Variants in DNAH8 observed in about 807,000 individuals in gnomAD.
DNAH8 encodes the protein axonemal beta dynein heavy chain 8.
DNAH8 carries 382 observed loss-of-function variants against 562.1 expected under a neutral mutation model. The ratio of observed to expected loss-of-function variants is 0.68; its 90% confidence interval spans 0.63 to 0.74. The LOEUF (loss-of-function observed/expected upper bound fraction) is 0.74, where lower values mean the gene tolerates loss of function less well. Ranked by LOEUF, DNAH8 falls within the 30% of genes least tolerant of loss-of-function variation. The probability of loss-of-function intolerance (pLI) is 0.00; values close to 1 mark genes in which losing one functional copy is unlikely to be tolerated. For missense variants in DNAH8, 5,203 were observed against 5,620.4 expected, an observed-to-expected ratio of 0.93 and a Z score of 2.37; for synonymous variants, 1,881 against 1,919.4, an observed-to-expected ratio of 0.98 and a Z score of 0.52.
At chr6:38,749,989 C>T (rs1026125843) in intron 8 of DNAH8, among the ~76,000 whole-genome samples, 15 of 152,186 alleles carry the variant, frequency 9.9e-5, no homozygotes, top group African/African-American at 2.9e-4. Flanking sequence ...CCCGCCGCCA[C>T]GCCCAGCTAA....
chr6:39,008,652 T>C (rs181185979), intron 88 of DNAH8, among the ~76,000 whole-genome samples, 162 bp from the exon 89 acceptor site: 5 of 152,162 alleles, frequency 3.3e-5, no homozygotes, highest in Admixed American at 3.3e-4. Flanking sequence ...GGATCTCTAG[T>C]TTCTTTCATT....
chr6:38,962,216 A>T (rs926022630), intron 82 of DNAH8, among the ~76,000 whole-genome samples: 1 of 152,098 alleles, frequency 6.6e-6, no homozygotes, highest in Admixed American at 6.5e-5. Flanking sequence ...AATATTTCCT[A>T]AATTAATCTA....
rs1767574691 is a variant in DNAH8 at position 39,030,182 on chromosome 6, C to A, written c.13914C>A (p.Thr4638=). The A allele has an allele frequency of 2.5e-6, 4 of 1,613,974 alleles. No homozygotes were observed. The highest frequency in any genetic ancestry group is 3.4e-6 in the Non-Finnish European group (4 of 1,180,004). The change falls in exon 93 of 93, where the codon ACC becomes ACA. Residue 4638 remains threonine (T), a synonymous_variant. Coordinates refer to ENST00000327475, the MANE Select transcript of DNAH8 (RefSeq NM_001206927.2). ...GGAATGGGAAGCTCATGGAATCCAC[C>A]CCCAAGGTACTCTTCACGCAGTTAC... ...DRRNGKLMES[T]PKVLFTQLPV... is the part of the protein sequence containing the mutation.
At chr6:38,915,890 G>GTA (rs1407051410) in intron 68 of DNAH8, among the ~76,000 whole-genome samples, 1 of 151,488 alleles carries the variant, frequency 6.6e-6, no homozygotes, top group Non-Finnish European at 1.5e-5. Context: ...ATATGTGCAT[G>GTA]TATATATATG....
At position 38,826,182 on chromosome 6, in the gene DNAH8, G is replaced by A. The variant is rs761639011; in HGVS notation, c.3874G>A (p.Glu1292Lys). ...TEPMKLALSIEAKAWKMLLCR... is the reference protein window; with the variant it reads ...TEPMKLALSIKAKAWKMLLCR... Reference sequence around the variant, plus strand: ...GCCGATGAAATTGGCCTTATCCATCGAGGCCAAGGCATGGAAGATGTTACT... The same window carrying A: ...GCCGATGAAATTGGCCTTATCCATCAAGGCCAAGGCATGGAAGATGTTACT... Residue 1292 changes from glutamate (E) to lysine (K), a missense_variant, in exon 29 of 93, where the codon GAG (glutamate) becomes AAG (lysine). Physicochemically the swap from Glu to Lys is moderately conservative, Grantham distance 56. Coordinates refer to ENST00000327475, the MANE Select transcript of DNAH8 (RefSeq NM_001206927.2). 18 of 1,605,220 alleles carry A rather than the reference G, an allele frequency of 1.1e-5. No homozygotes were observed. Among genetic ancestry groups the A allele is most frequent in the East Asian group, 1.1e-4 (5 of 44,688 alleles).
At chr6:38,810,509 T>C (rs1618834) in intron 24 of DNAH8, among the ~76,000 whole-genome samples, 24,080 of 151,992 alleles carry the variant, frequency 0.16, 2,050 homozygotes, top group East Asian at 0.3. Context: ...GGAGAATCGC[T>C]TGAACCTGGG....
rs375631180 is a variant in DNAH8, at chr6:38,932,216, A to ACACACACACACACACACACC, written c.11457+224_11457+225insACACACACACACACACACCC. On this transcript the variant is annotated intron_variant, in intron 76 of 92. Transcript: ENST00000327475. Reference sequence around the variant, plus strand: ...CACACACACACACACACACACACACACCCGTCTCTTTCTACTTCTGTCTTT... The same window carrying ACACACACACACACACACACC: ...CACACACACACACACACACACACACACACACACACACACACACACCCCCGTCTCTTTCTACTTCTGTCTTT... Among the ~76,000 whole-genome samples, 342 of 145,718 alleles carry ACACACACACACACACACACC rather than the reference A, an allele frequency of 2.3e-3. 3 individuals carry two copies. Among genetic ancestry groups the ACACACACACACACACACACC allele is most frequent in the African/African-American group, 5.7e-3 (211 of 37,316 alleles).
At position 38,868,134 on chromosome 6, in the gene DNAH8, C is replaced by G; in HGVS notation, c.6766C>G (p.Pro2256Ala). ...TCTTGGATCTCAAAAAAGAGCCAGA[C>G]CAGAAGATAGTGAATTAAGCATTGT... The part of the protein sequence containing the change: ...RTLGSQKRAR[P>A]EDSELSIVMR... Residue 2256 changes from proline to alanine, a missense_variant, in exon 48 of 93, where the codon CCA becomes GCA. Physicochemically the swap from Pro to Ala is conservative, Grantham distance 27. Around this residue, in one of 6 missense-constraint regions of DNAH8, gnomAD observed 2,176 missense variants for 2,365.1 expected, o/e 0.92. Transcript: ENST00000327475. 1.2e-6 allele frequency: 2 copies of G among 1,613,540 alleles called. No homozygotes were observed. Among genetic ancestry groups the G allele is most frequent in the South Asian group, 1.1e-5 (1 of 91,058 alleles).
rs938464385 is a variant in DNAH8 at position 38,722,813 on chromosome 6, G to A, written c.4G>A (p.Glu2Lys). Residue 2 changes from glutamate to lysine, a missense_variant, in exon 2 of 93, where the codon GAG (glutamate) becomes AAG (lysine). Physicochemically the swap from Glu to Lys is moderately conservative, Grantham distance 56. Transcript: ENST00000327475. ...AAAGCATTCCGCACGACGGGGGATGGAGAAGGATGCTGAAGATGGCGCCCC... is the reference window on the plus strand; with the variant it reads ...AAAGCATTCCGCACGACGGGGGATGAAGAAGGATGCTGAAGATGGCGCCCC... Reference protein sequence around the residue: MEKDAEDGAPSE... With the variant: MKKDAEDGAPSE... 1 of 1,582,822 alleles carries A rather than the reference G, an allele frequency of 6.3e-7. No homozygotes were observed. Among genetic ancestry groups the A allele is most frequent in the Non-Finnish European group, 8.6e-7 (1 of 1,166,226 alleles).
intron 88 of DNAH8, among the ~76,000 whole-genome samples, chr6:39,006,465 A>G (rs1023620971): frequency 2.0e-5 from 3 of 152,222 alleles, no homozygotes; most frequent in Non-Finnish European, 4.4e-5. Flanking sequence ...AGATCTCCAC[A>G]GGTCTGATTC....
At chr6:38,790,481 T>A in intron 20 of DNAH8, 76 bp downstream of exon 20, 1 of 715,428 alleles carries the variant, frequency 1.4e-6, no homozygotes, top group African/African-American at 1.8e-5. Context: ...TTATGAAAGC[T>A]CTTTAAAGGG....
intron 75 of DNAH8, 58 bp from the exon 76 acceptor site, chr6:38,931,753 C>T (rs1272776090): frequency 1.7e-6 from 2 of 1,164,132 alleles, no homozygotes; most frequent in East Asian, 2.7e-5. Flanking sequence ...TAAATTGAAC[C>T]CAAGTTCCTT....
At chr6:38,977,032 A>G (rs955471038) in intron 85 of DNAH8, among the ~76,000 whole-genome samples, 10 of 152,224 alleles carry the variant, frequency 6.6e-5, no homozygotes, top group Non-Finnish European at 8.8e-5. Flanking sequence ...GCATTATGCC[A>G]TCAGCTTACC....
In DNAH8 at chr6:38,908,100, G is replaced by A. The variant is rs1009154926; in HGVS notation, c.9493G>A (p.Val3165Ile). 3 of 1,580,388 alleles carry A rather than the reference G, an allele frequency of 1.9e-6. No homozygotes were observed. Among genetic ancestry groups the A allele is most frequent in the Middle Eastern group, 1.7e-4 (1 of 5,992 alleles). The change falls in exon 64 of 93, where the codon GTT becomes ATT. Residue 3165 changes from valine to isoleucine, a missense_variant. Val to Ile is a conservative substitution (Grantham distance 29, BLOSUM62 3). Around this residue, in one of 6 missense-constraint regions of DNAH8, gnomAD observed 977 missense variants for 1,061.8 expected, o/e 0.92. Transcript: ENST00000327475. ...FISRSRKNLH[V>I]VLCFSPVGEK... ...TTCAAGATCAAGGAAGAACTTACAT[G>A]TTGTTCTCTGCTTTTCTCCAGTAAG... is the stretch of plus-strand genomic sequence containing the variant.
Position 38,789,870 on chromosome 6 carries a change from CA to C in DNAH8, c.2656del (p.Met886Ter). 1 of 1,610,446 alleles carries C rather than the reference CA, an allele frequency of 6.2e-7. No individual in the cohort carries two copies. The highest frequency in any genetic ancestry group is 8.5e-7 in the Non-Finnish European group (1 of 1,177,888). On this transcript the variant is annotated frameshift_variant, in exon 19 of 93. Transcript: ENST00000327475. LOFTEE classifies it high-confidence loss of function. Reference sequence around the variant, plus strand: ...TCTGTGTTTGTCAATCTGATGACCCCAAAAATGAAAAAGGTTGGTATTGCTG... The same window carrying C: ...TCTGTGTTTGTCAATCTGATGACCCCAAAATGAAAAAGGTTGGTATTGCTG... Reference protein sequence around the residue: ...VPSVFVNLMTPKMKKVESVLR... With the variant: ...VPSVFVNLMTXKMKKVESVLR...
At chr6:38,904,960 C>G (rs1780346099) in intron 62 of DNAH8, among the ~76,000 whole-genome samples, 2 of 152,022 alleles carry the variant, frequency 1.3e-5, no homozygotes, top group Non-Finnish European at 2.9e-5. Flanking sequence ...AAGAAAGAAA[C>G]AAGAGAGGTC....
At chr6:38,995,365 G>C (rs1561955976) in intron 88 of DNAH8, among the ~76,000 whole-genome samples, 1 of 152,100 alleles carries the variant, frequency 6.6e-6, no homozygotes, top group Non-Finnish European at 1.5e-5. Context: ...GAATGGCCTG[G>C]AGTTTTTTGT....
intron 26 of DNAH8, among the ~76,000 whole-genome samples, chr6:38,817,881 C>A (rs1371348438): frequency 6.6e-6 from 1 of 152,014 alleles, no homozygotes; most frequent in East Asian, 1.9e-4. Context: ...AAGACACAAT[C>A]CAATGCCATA....
At chr6:38,751,297 A>C (rs1765428848) in intron 9 of DNAH8, among the ~76,000 whole-genome samples, 1 of 152,222 alleles carries the variant, frequency 6.6e-6, no homozygotes, top group Non-Finnish European at 1.5e-5. Context: ...AGAGAATGAG[A>C]GAACACCCAA....
Sources: allele counts gnomAD v4.1 joint callset (sites outside exome capture counted in the v4.1 genomes callset), GRCh38; gene constraint gnomAD v4.1.1; regional missense constraint gnomAD v4.1.1; transcripts MANE v1.5; gene names NCBI Gene and HGNC (gene_info 2026-07-23, HGNC 2026-07-21).